The following A4GNT variants were observed in gnomAD, a reference collection of about 807,000 sequenced individuals.
The protein encoded by A4GNT is alpha-1,4-N-acetylglucosaminyltransferase.
A neutral mutation model predicts 8.3 loss-of-function variants in A4GNT; 6 were observed. The observed-to-expected ratio is 0.72, with a 90% CI of 0.39 to 1.42. The LOEUF (loss-of-function observed/expected upper bound fraction) is 1.42. Ranked by LOEUF, A4GNT falls within the 40% of genes most tolerant of loss-of-function variation. The probability of loss-of-function intolerance (pLI) is 0.02; values close to 1 mark genes in which losing one functional copy is unlikely to be tolerated. For synonymous variants in A4GNT, 157 were observed against 159.8 expected (o/e 0.98, Z 0.13); for missense variants, 377 against 417.0 (o/e 0.90, Z 0.84).
Position 138,124,237 on chromosome 3 carries a change from TGCA to T in A4GNT, c.*24_*26del. 1 of 1,597,656 alleles carries T rather than the reference TGCA, an allele frequency of 6.3e-7. No individual in the cohort carries two copies. Among genetic ancestry groups the T allele is most frequent in the Non-Finnish European group, 8.5e-7 (1 of 1,169,988 alleles). On this transcript the variant is annotated 3_prime_UTR_variant, in exon 3 of 3. Coordinates refer to ENST00000236709, the MANE Select transcript of A4GNT (RefSeq NM_016161.3). ...CTCCAGGAAATGTCCATTTCCACACTGCAGCAGCAGCAAACGAGTGTTAGCTTT... is the reference window on the plus strand; with the variant it reads ...CTCCAGGAAATGTCCATTTCCACACTGCAGCAGCAAACGAGTGTTAGCTTT...
rs1368099620 is a variant in A4GNT, at chr3:138,131,313, C to T, written c.-26-31G>A. 3.7e-5 allele frequency: 52 copies of T among 1,421,346 alleles called. 1 individual carries two copies. In the Admixed American group the frequency reaches 1.3e-3, roughly 35 times the overall value. The allele number at this position is 1,421,346 out of a possible 1,614,324, so 88.0% of individuals were successfully genotyped here. ...AATCAACACAATTAATTAAAAATCACAGCTGCAAAACCTGACAAAGATAGC... is the reference window on the plus strand; with the variant it reads ...AATCAACACAATTAATTAAAAATCATAGCTGCAAAACCTGACAAAGATAGC... On this transcript the variant is annotated intron_variant, in intron 1 of 2. Transcript: ENST00000236709.
At chr3:138,128,072 A>G (rs1402429934) in intron 2 of A4GNT, among the ~76,000 whole-genome samples, 1 of 152,186 alleles carries the variant, frequency 6.6e-6, no homozygotes, top group African/African-American at 2.4e-5. Flanking sequence ...CCATGCTCAA[A>G]TAAGTTTAGG....
chr3:138,129,012 T>C (rs994469388), intron 2 of A4GNT, among the ~76,000 whole-genome samples: 6 of 152,044 alleles, frequency 3.9e-5, no homozygotes, highest in Non-Finnish European at 7.4e-5. Flanking sequence ...CCAGGAGCCA[T>C]TCCCAGCCCC....
rs1477440704 is a variant in A4GNT at position 138,130,874 on chromosome 3, G to T, written c.383C>A (p.Thr128Lys). Residue 128 changes from threonine (T) to lysine (K), a missense_variant, in exon 2 of 3, where the codon ACA becomes AAA. Coordinates refer to ENST00000236709, the MANE Select transcript of A4GNT (RefSeq NM_016161.3). The part of the protein sequence containing the change: ...PLDMKRLLED[T>K]PLFSWYNQIN... ...TTGATTGTACCATGAAAACAATGGT[G>T]TGTCTTCAAGCAGCCTTTTCATATC... is the stretch of plus-strand genomic sequence containing the variant. 1 of 1,614,092 alleles carries T rather than the reference G, an allele frequency of 6.2e-7. No individual in the cohort carries two copies.
Position 138,124,457 on chromosome 3 carries a change from G to C in A4GNT, c.830C>G (p.Thr277Arg). Residue 277 changes from threonine (T) to arginine (R), a missense_variant, in exon 3 of 3, where the codon ACA (threonine) becomes AGA (arginine). Coordinates refer to ENST00000236709, the MANE Select transcript of A4GNT (RefSeq NM_016161.3). ...ATAAGAGACATTGAAGCTTGGCTCT[G>C]TATCCCACACTTCATAGTAGCGCCT... ...EWRRYYEVWD[T>R]EPSFNVSYAL... 6.2e-7 allele frequency: 1 copy of C among 1,614,216 alleles called. No homozygotes were observed. The highest frequency in any genetic ancestry group is 1.1e-5 in the South Asian group (1 of 91,088).
chr3:138,130,957 G>A lies in A4GNT; in HGVS notation c.300C>T (p.Ser100=), dbSNP rs768487863. ...ACAGGAAGGAAAAAGCTGGGTATGT[G>A]GAGTTTGAGGGCATCGGTGTGGAAT... ...LTDSTPMPSN[S]TYPAFSFLSA... The change falls in exon 2 of 3, where the codon TCC becomes TCT. Residue 100 remains serine, a synonymous_variant. Transcript: ENST00000236709. 3.1e-6 allele frequency: 5 copies of A among 1,614,134 alleles called. No homozygotes were observed. The highest frequency in any genetic ancestry group is 4.2e-6 in the Non-Finnish European group (5 of 1,180,020).
chr3:138,130,817 C>T (rs370785796), intron 2 of A4GNT, 32 bp downstream of exon 2: 74 of 1,600,846 alleles, frequency 4.6e-5, no homozygotes, highest in Non-Finnish European at 5.5e-5. Flanking sequence ...ATATACAATT[C>T]GTTGACATTT....
intron 2 of A4GNT, 62 bp from the exon 3 acceptor site, chr3:138,124,940 A>T: frequency 6.4e-7 from 1 of 1,562,002 alleles, no homozygotes; most frequent in Admixed American, 1.8e-5. Flanking sequence ...GCATCACAGC[A>T]GGAGGCCAGG....
Position 138,124,518 on chromosome 3 carries a change from G to T in A4GNT, c.769C>A (p.Pro257Thr). Reference sequence around the variant, plus strand: ...TAGGAGATGGGGTAAAATCTTTGGGGGTGTAAGAAGGATATGTTCAGACAC... The same window carrying T: ...TAGGAGATGGGGTAAAATCTTTGGGTGTGTAAGAAGGATATGTTCAGACAC... ...LRCLNISFLH[P>T]QRFYPISYRE... Residue 257 changes from proline (P) to threonine (T), a missense_variant, in exon 3 of 3, where the codon CCC becomes ACC. Transcript: ENST00000236709. 1.9e-6 allele frequency: 3 copies of T among 1,614,198 alleles called. No homozygotes were observed. Among genetic ancestry groups the T allele is most frequent in the Non-Finnish European group, 2.5e-6 (3 of 1,180,044 alleles).
At chr3:138,126,698 C>T (rs1254390329) in intron 2 of A4GNT, among the ~76,000 whole-genome samples, 4 of 149,486 alleles carry the variant, frequency 2.7e-5, no homozygotes, top group East Asian at 2.0e-4. Flanking sequence ...TGGTGACAGG[C>T]GCCTGTAATC....
At chr3:138,131,853 A>T (rs2042780653) in intron 1 of A4GNT, among the ~76,000 whole-genome samples, 1 of 152,184 alleles carries the variant, frequency 6.6e-6, no homozygotes, top group Admixed American at 6.5e-5. Context: ...ACCAGAACAT[A>T]TAGCAATTAT....
Position 138,124,501 on chromosome 3 carries a change from G to A in A4GNT, c.786C>T (p.Pro262=). 1 of 1,614,208 alleles carries A rather than the reference G, an allele frequency of 6.2e-7. No homozygotes were observed. Among genetic ancestry groups the A allele is most frequent in the South Asian group, 1.1e-5 (1 of 91,082 alleles). ...AGCGCCTCCACTCTCGATAGGAGATGGGGTAAAATCTTTGGGGGTGTAAGA... is the reference window on the plus strand; with the variant it reads ...AGCGCCTCCACTCTCGATAGGAGATAGGGTAAAATCTTTGGGGGTGTAAGA... ...ISFLHPQRFY[P]ISYREWRRYY... Residue 262 remains proline (P), a synonymous_variant, in exon 3 of 3, where the codon CCC becomes CCT. Transcript: ENST00000236709.
At chr3:138,130,097 T>C (rs1383767288) in intron 2 of A4GNT, among the ~76,000 whole-genome samples, 4 of 152,110 alleles carry the variant, frequency 2.6e-5, no homozygotes, top group African/African-American at 9.7e-5. Flanking sequence ...TTTTTTTTTT[T>C]CAATAGATGT....
chr3:138,131,059 C>G lies in A4GNT; in HGVS notation c.198G>C (p.Leu66Phe). ...ETSERMEPPH[L>F]VSCSVESAAK... is the part of the protein sequence containing the mutation. ...CAGCAGACTCTACGGAACAGGAGAC[C>G]AAATGGGGTGGCTCCATTCTCTCTG... Residue 66 changes from leucine (L) to phenylalanine (F), a missense_variant, in exon 2 of 3, where the codon TTG becomes TTC. Physicochemically the swap from Leu to Phe is conservative, Grantham distance 22. Coordinates refer to ENST00000236709, the MANE Select transcript of A4GNT (RefSeq NM_016161.3). 1 of 1,613,844 alleles carries G rather than the reference C, an allele frequency of 6.2e-7. No homozygotes were observed. Among genetic ancestry groups the G allele is most frequent in the Non-Finnish European group, 8.5e-7 (1 of 1,179,834 alleles).
chr3:138,124,365 C>T lies in A4GNT; in HGVS notation c.922G>A (p.Val308Met), dbSNP rs533935341. The change falls in exon 3 of 3, where the codon GTG becomes ATG. Residue 308 changes from valine to methionine, a missense_variant. Physicochemically the swap from Val to Met is conservative, Grantham distance 21. Transcript: ENST00000236709. ...CAGTGCTTGCGATAGAGATTTTCCA[C>T]CAGTGTGTTGCTTCCTCTAATCACA... is the stretch of plus-strand genomic sequence containing the variant. ...RAVIRGSNTLVENLYRKHCPR... is the reference protein window; with the variant it reads ...RAVIRGSNTLMENLYRKHCPR... 1 of 1,614,248 alleles carries T rather than the reference C, an allele frequency of 6.2e-7. No homozygotes were observed. Among genetic ancestry groups the T allele is most frequent in the South Asian group, 1.1e-5 (1 of 91,088 alleles).
intron 2 of A4GNT, among the ~76,000 whole-genome samples, chr3:138,126,324 A>G (rs576726463): frequency 2.2e-4 from 33 of 152,120 alleles, no homozygotes; most frequent in African/African-American, 7.5e-4. Context: ...ATAAATGTCA[A>G]TGTTCTCATA....
At chr3:138,127,118 CAAAAAAAAA>C (rs898641661) in intron 2 of A4GNT, among the ~76,000 whole-genome samples, 1 of 34,082 alleles carries the variant, frequency 2.9e-5, no homozygotes. Context: ...GACTCCATCT[CAAAAAAAAA>C]AAAAAAAAAA....
At chr3:138,133,149 A>G (rs976352514), upstream of A4GNT, among the ~76,000 whole-genome samples, 4 of 152,202 alleles carry the variant, frequency 2.6e-5, no homozygotes, top group Admixed American at 2.0e-4. Context: ...GTGAGCAGGT[A>G]GGCCTGCTCC....
chr3:138,124,634 G>T lies in A4GNT; in HGVS notation c.653C>A (p.Ala218Asp), dbSNP rs2246945. The change falls in exon 3 of 3, where the codon GCC (alanine) becomes GAC (aspartate). Residue 218 changes from alanine to aspartate, a missense_variant. By Grantham distance (126) the Ala-to-Asp change is moderately radical. Transcript: ENST00000236709. ...CTCAGGGCCTTGGTTGCCCCAAATG[G>T]CTGAATTATAGTGTTCAACAAAGTT... ...MENFVEHYNS[A>D]IWGNQGPELM... is the part of the protein sequence containing the mutation. 0.67 allele frequency: 1,084,734 copies of T among 1,613,930 alleles called. 365,185 individuals are homozygous for T. The highest frequency in any genetic ancestry group is 0.68 in the Non-Finnish European group (803,758 of 1,179,962).
Sources: allele counts gnomAD v4.1 joint callset (sites outside exome capture counted in the v4.1 genomes callset), GRCh38; gene constraint gnomAD v4.1.1; transcripts MANE v1.5; gene names NCBI Gene and HGNC (gene_info 2026-07-23, HGNC 2026-07-21).